The following PRPF39 variants were observed in gnomAD, a reference collection of about 807,000 sequenced individuals.
PRPF39 encodes the protein pre-mRNA processing factor 39, also known as pre-mRNA-processing factor 39.
In PRPF39, 27 loss-of-function variants were observed where a neutral mutation model predicts 82.1. The observed-to-expected ratio is 0.33, with a 90% CI of 0.24 to 0.45. The LOEUF (loss-of-function observed/expected upper bound fraction) is 0.45, where lower values mean the gene tolerates loss of function less well. Among genes scored for constraint, PRPF39 ranks in the 20% least tolerant of loss-of-function variants. PRPF39 has a pLI of 1.00. For synonymous variants in PRPF39, 261 were observed against 256.4 expected (o/e 1.02, Z -0.17); for missense variants, 581 against 796.9 (o/e 0.73, Z 3.26).
chr14:45,114,686 T>TA lies in PRPF39; in HGVS notation c.1953+79dup, dbSNP rs750363486. On this transcript the variant is annotated intron_variant, in intron 13 of 13. Transcript: ENST00000355765. ...TAAATTAGGATAGTTTCTTTTTTTT[T>TA]AAAAAAAGTTTTTGTTCCAATTGTG... The TA allele has an allele frequency of 1.8e-5, 28 of 1,514,794 alleles. No homozygotes were observed. The Admixed American group carries it at 3.1e-4, about 17-fold the overall frequency. 93.8% of individuals were successfully genotyped at this position (1,514,794 alleles called of 1,614,324 possible).
intron 1 of PRPF39, among the ~76,000 whole-genome samples, chr14:45,084,906 A>G (rs538518302): frequency 2.4e-4 from 37 of 152,204 alleles, no homozygotes; most frequent in Non-Finnish European, 4.3e-4. Context: ...AAGTTAATAA[A>G]TAATACTGCT....
At chr14:45,114,447 C>A in intron 12 of PRPF39, 47 bp from the exon 13 acceptor site, 2 of 1,516,130 alleles carry the variant, frequency 1.3e-6, no homozygotes, top group Non-Finnish European at 1.8e-6. Context: ...CGTTAAAGTT[C>A]TTACCTGTGG....
At chr14:45,100,481 G>C (rs1455119746) in intron 4 of PRPF39, among the ~76,000 whole-genome samples, 1 of 152,212 alleles carries the variant, frequency 6.6e-6, no homozygotes, top group Non-Finnish European at 1.5e-5. Context: ...AATCCCCATA[G>C]CTGGGCGGGA....
chr14:45,094,920 A>G (rs1884150906), intron 1 of PRPF39, among the ~76,000 whole-genome samples: 1 of 152,216 alleles, frequency 6.6e-6, no homozygotes, highest in East Asian at 1.9e-4. Context: ...TGAATTTTAA[A>G]TAGTATTTCT....
rs754477660 is a variant in PRPF39 at position 45,110,257 on chromosome 14, TTTAAG to T, written c.1303+41_1303+45del. The T allele has an allele frequency of 1.4e-5, 22 of 1,608,416 alleles. No homozygotes were observed. Among genetic ancestry groups the T allele is most frequent in the Non-Finnish European group, 1.9e-5 (22 of 1,176,116 alleles). On this transcript the variant is annotated intron_variant, in intron 9 of 13. Transcript: ENST00000355765. This position sits in a 1 kb window ranked among gnomAD's most constrained non-coding sequence, Gnocchi z 4.0. ...GAAATTCAGTTGACATTTTTGAGAT[TTTAAG>T]TTATTTCAGGAAACAGTGACAAATT... is the stretch of plus-strand genomic sequence containing the variant.
At chr14:45,086,785 G>T (rs1426436327) in intron 1 of PRPF39, among the ~76,000 whole-genome samples, 1 of 150,316 alleles carries the variant, frequency 6.7e-6, no homozygotes, top group Non-Finnish European at 1.5e-5. Context: ...TTGTTGAGCT[G>T]TGATCAGGAA....
chr14:45,115,562 A>G lies in PRPF39; in HGVS notation c.*649A>G, dbSNP rs369515959. ...ACAAGCTTTCATTTTGATCAAACTGATCTTCATTTTTGTAATAAAACGGAA... is the reference window on the plus strand; with the variant it reads ...ACAAGCTTTCATTTTGATCAAACTGGTCTTCATTTTTGTAATAAAACGGAA... On this transcript the variant is annotated 3_prime_UTR_variant, in exon 14 of 14. Coordinates refer to ENST00000355765, the MANE Select transcript of PRPF39 (RefSeq NM_017922.4). The G allele has an allele frequency of 1.3e-5, 2 of 152,528 alleles. No individual in the cohort carries two copies. Among genetic ancestry groups the G allele is most frequent in the African/African-American group, 4.8e-5 (2 of 41,422 alleles). The allele number at this position is 152,528 out of a possible 1,614,324, so 9.4% of individuals were successfully genotyped here.
chr14:45,113,517 G>A (rs1206848285), intron 11 of PRPF39, among the ~76,000 whole-genome samples: 1 of 152,182 alleles, frequency 6.6e-6, no homozygotes, highest in Non-Finnish European at 1.5e-5. Flanking sequence ...CTTGTGTGCT[G>A]TGTATTTAGT....
chr14:45,100,741 A>T (rs531445186), intron 4 of PRPF39, among the ~76,000 whole-genome samples: 1 of 152,290 alleles, frequency 6.6e-6, no homozygotes, highest in Admixed American at 6.5e-5. Flanking sequence ...TATATTAAAC[A>T]TATTTCCTCC....
At chr14:45,113,255 A>G (rs774220897) in intron 11 of PRPF39, among the ~76,000 whole-genome samples, 2 of 152,246 alleles carry the variant, frequency 1.3e-5, no homozygotes, top group African/African-American at 2.4e-5. Flanking sequence ...TGCAACTAAT[A>G]TAACAGCTAA....
intron 1 of PRPF39, among the ~76,000 whole-genome samples, chr14:45,091,206 G>A (rs753154692): frequency 1.3e-5 from 2 of 151,868 alleles, no homozygotes; most frequent in African/African-American, 4.8e-5. Flanking sequence ...TAGTGTGATC[G>A]TAGTTCACTG....
rs1176485964 is a variant in PRPF39 at position 45,102,532 on chromosome 14, T to C, written c.573T>C (p.Thr191=). 2 of 1,587,484 alleles carry C rather than the reference T, an allele frequency of 1.3e-6. No homozygotes were observed. Among genetic ancestry groups the C allele is most frequent in the African/African-American group, 2.7e-5 (2 of 73,490 alleles). The change falls in exon 5 of 14, where the codon ACT becomes ACC. Residue 191 remains threonine, a synonymous_variant. Coordinates refer to ENST00000355765, the MANE Select transcript of PRPF39 (RefSeq NM_017922.4). ...TAAGAGTAATTTAATTTTTCAGAAC[T>C]TTTGAGCATGCTGTTCTAGCTGCAG... The part of the protein sequence containing the change: ...DPETNNTIRG[T]FEHAVLAAGT...
intron 1 of PRPF39, among the ~76,000 whole-genome samples, chr14:45,089,865 G>C (rs1041862799): frequency 6.6e-6 from 1 of 152,152 alleles, no homozygotes; most frequent in Non-Finnish European, 1.5e-5. Context: ...GTATTCTTTT[G>C]ACTCTGTGAT....
intron 1 of PRPF39, among the ~76,000 whole-genome samples, chr14:45,090,734 G>A (rs1883995066): frequency 6.6e-6 from 1 of 151,846 alleles, no homozygotes; most frequent in Non-Finnish European, 1.5e-5. Context: ...GTATGTGTTT[G>A]TGTGTGTGTG....
At position 45,093,791 on chromosome 14, in the gene PRPF39, G is replaced by A. The variant is rs1473759337; in HGVS notation, c.-19-1430G>A. On this transcript the variant is annotated intron_variant, in intron 1 of 13. Transcript: ENST00000355765. ...GCTGGTCTCGAACTCCCAACCTCAG[G>A]TGATCCGCCTGCCTCAGCCTCCCAA... Among the ~76,000 whole-genome samples, 4 of 151,890 alleles carry A rather than the reference G, an allele frequency of 2.6e-5. No individual in the cohort carries two copies. The South Asian group carries it at 6.2e-4, about 24-fold the overall frequency.
In PRPF39 at chr14:45,116,107, A is replaced by G. The variant is rs1188486631; in HGVS notation, c.*1194A>G. On this transcript the variant is annotated 3_prime_UTR_variant, in exon 14 of 14. Coordinates refer to ENST00000355765, the MANE Select transcript of PRPF39 (RefSeq NM_017922.4). ...TTTTCCAGTTGACTCTTCCTTTACA[A>G]TAGTAACAAGTTCTAACTAGTTGTG... 4 of 895,868 alleles carry G rather than the reference A, an allele frequency of 4.5e-6. No individual in the cohort carries two copies. The highest frequency in any genetic ancestry group is 1.9e-5 in the Admixed American group (1 of 51,874). 55.5% of individuals were successfully genotyped at this position (895,868 alleles called of 1,614,324 possible). A position where few individuals can be genotyped will look rare whatever the true frequency, so the allele number is the denominator to read the frequency against.
At chr14:45,099,686 C>T (rs575114328) in intron 4 of PRPF39, among the ~76,000 whole-genome samples, 51 of 152,256 alleles carry the variant, frequency 3.3e-4, no homozygotes, top group African/African-American at 9.6e-4. Context: ...CCTCGTGATC[C>T]GCCCGTCTTG....
intron 1 of PRPF39, among the ~76,000 whole-genome samples, chr14:45,092,619 A>C (rs1312488162): frequency 6.6e-6 from 1 of 151,498 alleles, no homozygotes; most frequent in African/African-American, 2.4e-5. Flanking sequence ...AAAAAAAAAA[A>C]AAAAAGTCGT....
At chr14:45,092,188 A>G (rs371771361) in intron 1 of PRPF39, among the ~76,000 whole-genome samples, 1 of 152,316 alleles carries the variant, frequency 6.6e-6, no homozygotes. Context: ...GATTAACTAT[A>G]TTGCTGCTTT....
Sources: allele counts gnomAD v4.1 joint callset (sites outside exome capture counted in the v4.1 genomes callset), GRCh38; gene constraint gnomAD v4.1.1; non-coding constraint Gnocchi (gnomAD v3.1); transcripts MANE v1.5; gene names NCBI Gene and HGNC (gene_info 2026-07-23, HGNC 2026-07-21).